PTPRK: variants seen among roughly 807,000 people sequenced by gnomAD.
PTPRK encodes the protein receptor-type tyrosine-protein phosphatase kappa.
A neutral mutation model predicts 178.0 loss-of-function variants in PTPRK; 75 were observed. The ratio of observed to expected loss-of-function variants is 0.42; its 90% CI spans 0.35 to 0.51. PTPRK has a LOEUF of 0.51. Ranked by LOEUF, PTPRK falls within the 20% of genes least tolerant of loss-of-function variation. The pLI, the probability that PTPRK is intolerant of heterozygous loss-of-function variation, is 0.02. For synonymous variants in PTPRK, 637 were observed against 620.6 expected (o/e 1.03, Z -0.39); for missense variants, 1,441 against 1,797.8 (o/e 0.80, Z 3.59).
chr6:128,494,913 T>A (rs1854436488), intron 1 of PTPRK, among the ~76,000 whole-genome samples: 1 of 152,162 alleles, frequency 6.6e-6, no homozygotes, highest in Admixed American at 6.5e-5. Context: ...TAGTAAGCAG[T>A]CACATTGTAA....
intron 15 of PTPRK, chr6:128,003,349 G>A: frequency 9.6e-7 from 1 of 1,037,972 alleles, no homozygotes; most frequent in South Asian, 1.5e-5. Context: ...AACTTTCTCA[G>A]ATTACTGTAT....
At chr6:128,410,607 G>T (rs759437275) in intron 1 of PTPRK, among the ~76,000 whole-genome samples, 3 of 152,140 alleles carry the variant, frequency 2.0e-5, no homozygotes, top group Non-Finnish European at 2.9e-5. Context: ...TCCACAACAG[G>T]CAGTCCTAAA....
At chr6:128,108,072 AC>A (rs1433562052) in intron 7 of PTPRK, among the ~76,000 whole-genome samples, 14 of 51,868 alleles carry the variant, frequency 2.7e-4, no homozygotes, top group African/African-American at 1.9e-3. Flanking sequence ...ATAGCAAAAC[AC>A]ACACACACAC....
chr6:128,009,618 A>G (rs1778834009), intron 13 of PTPRK, among the ~76,000 whole-genome samples: 1 of 151,392 alleles, frequency 6.6e-6, no homozygotes, highest in African/African-American at 2.4e-5. Context: ...TTAGAGGTTT[A>G]TCAGTCAATT....
chr6:128,215,883 A>G (rs1040170377), intron 6 of PTPRK, among the ~76,000 whole-genome samples: 1 of 152,082 alleles, frequency 6.6e-6, no homozygotes, highest in Non-Finnish European at 1.5e-5. Flanking sequence ...AAAAGTGCCA[A>G]TGAGAGATAG....
intron 2 of PTPRK, among the ~76,000 whole-genome samples, chr6:128,368,946 CAAACAAAA>C (rs1167905279): frequency 1.4e-5 from 2 of 147,458 alleles, no homozygotes; most frequent in East Asian, 1.9e-4. Context: ...AAAAAACAAA[CAAACAAAA>C]AAAAAAACAC....
At chr6:128,235,611 T>G in intron 5 of PTPRK, 1 of 496,044 alleles carries the variant, frequency 2.0e-6, no homozygotes. Context: ...AAATCTTAAA[T>G]GAAAAATTTC....
intron 2 of PTPRK, among the ~76,000 whole-genome samples, chr6:128,382,151 CAAAAAA>C (rs56321095): frequency 1.3e-5 from 1 of 75,662 alleles, no homozygotes; most frequent in Non-Finnish European, 2.8e-5. Flanking sequence ...TACCCTATCT[CAAAAAA>C]AAAAAAAAAA....
At position 128,520,360 on chromosome 6, in the gene PTPRK, C is replaced by G; in HGVS notation, c.-2G>C. The G allele has an allele frequency of 6.2e-7, 1 of 1,603,858 alleles. No homozygotes were observed. Among genetic ancestry groups the G allele is most frequent in the African/African-American group, 1.3e-5 (1 of 74,822 alleles). Reference sequence around the variant, plus strand: ...CGCCGCCGCCGCAGTCGTATCCATGCCGAGTTTGGGAGAAGTTTCAAGCAG... The same window carrying G: ...CGCCGCCGCCGCAGTCGTATCCATGGCGAGTTTGGGAGAAGTTTCAAGCAG... On this transcript the variant is annotated 5_prime_UTR_variant, in exon 1 of 30. Transcript: ENST00000368226.
At chr6:128,318,725 A>G (rs1828376987) in intron 3 of PTPRK, among the ~76,000 whole-genome samples, 1 of 152,164 alleles carries the variant, frequency 6.6e-6, no homozygotes, top group African/African-American at 2.4e-5. Flanking sequence ...CCAAAGCAGA[A>G]CTTAGTTTTA....
At chr6:128,102,061 G>A (rs761968328) in intron 7 of PTPRK, among the ~76,000 whole-genome samples, 7 of 152,166 alleles carry the variant, frequency 4.6e-5, no homozygotes, top group Non-Finnish European at 5.9e-5. Context: ...GCCCTCTCTA[G>A]AGATAAATGG....
chr6:128,459,559 C>T (rs917397804), intron 1 of PTPRK, among the ~76,000 whole-genome samples: 6 of 152,286 alleles, frequency 3.9e-5, no homozygotes, highest in East Asian at 1.9e-4. Context: ...ACAGCACAGG[C>T]CAGAAGTCTG....
chr6:128,251,999 T>C (rs1447740458), intron 3 of PTPRK, among the ~76,000 whole-genome samples: 1 of 152,212 alleles, frequency 6.6e-6, no homozygotes, highest in African/African-American at 2.4e-5. Context: ...AGAATGATAC[T>C]GTGTTTTGCC....
At chr6:128,241,217 AC>A (rs1392243027) in intron 4 of PTPRK, 1 of 533,140 alleles carries the variant, frequency 1.9e-6, no homozygotes, top group Non-Finnish European at 3.8e-6. Flanking sequence ...TTCTCTAGTG[AC>A]TTACCTCTCA....
chr6:128,199,188 G>A (rs575246286), intron 6 of PTPRK, among the ~76,000 whole-genome samples: 1 of 152,236 alleles, frequency 6.6e-6, no homozygotes, highest in Admixed American at 6.5e-5. Flanking sequence ...TACTGCTATT[G>A]TAAATAGCTC....
intron 16 of PTPRK, among the ~76,000 whole-genome samples, chr6:127,998,436 C>A (rs9482853): frequency 4.0e-5 from 6 of 151,792 alleles, no homozygotes; most frequent in Non-Finnish European, 5.9e-5. Context: ...TGGGGAGATA[C>A]GCAAAGTGTT....
intron 11 of PTPRK, among the ~76,000 whole-genome samples, chr6:128,068,723 CATT>C (rs1018676015): frequency 2.0e-5 from 3 of 150,552 alleles, no homozygotes; most frequent in Non-Finnish European, 4.4e-5. Flanking sequence ...TGAAAGTTGA[CATT>C]ATTATTATAA....
chr6:128,445,621 A>G (rs1469486799), intron 1 of PTPRK, among the ~76,000 whole-genome samples: 1 of 152,040 alleles, frequency 6.6e-6, no homozygotes, highest in Non-Finnish European at 1.5e-5. Flanking sequence ...TTTTCTTCCT[A>G]ATATTTGACC....
chr6:128,045,137 C>T (rs138252645), intron 13 of PTPRK, among the ~76,000 whole-genome samples: 137 of 152,116 alleles, frequency 9.0e-4, no homozygotes, highest in Non-Finnish European at 1.6e-3. Flanking sequence ...AAGTCATCAT[C>T]GCTGTTCTTG....
Sources: gnomAD v4.1 joint callset for allele counts (sites outside exome capture counted in the v4.1 genomes callset) on GRCh38, gnomAD v4.1.1 for gene constraint, MANE v1.5 for transcripts, NCBI Gene and HGNC (gene_info 2026-07-23, HGNC 2026-07-21) for gene names.